Variants in PRKCH observed in about 807,000 individuals in gnomAD.
PRKCH encodes protein kinase C eta type.
In PRKCH, 28 loss-of-function variants were observed where a neutral mutation model predicts 82.5. That is an observed-to-expected ratio of 0.34 (90% confidence interval 0.25 to 0.47). The LOEUF (loss-of-function observed/expected upper bound fraction) is 0.47, where lower values mean the gene tolerates loss of function less well. PRKCH is among the 20% of genes least tolerant of loss of function. The probability of loss-of-function intolerance (pLI) is 1.00; values close to 1 mark genes in which losing one functional copy is unlikely to be tolerated. For synonymous variants in PRKCH, 322 were observed against 327.4 expected, an observed-to-expected ratio of 0.98 and a Z score of 0.18; for missense variants, 705 against 881.8, an observed-to-expected ratio of 0.80 and a Z score of 2.54.
chr14:61,256,834 C>T (rs1433265343), intron 1 of PRKCH, among the ~76,000 whole-genome samples: 3 of 152,172 alleles, frequency 2.0e-5, no homozygotes, highest in Non-Finnish European at 4.4e-5. Flanking sequence ...TATCTGCTTG[C>T]CTCTGTCAAT....
At chr14:61,242,722 A>G (rs1221763925) in intron 1 of PRKCH, among the ~76,000 whole-genome samples, 1 of 152,188 alleles carries the variant, frequency 6.6e-6, no homozygotes, top group Non-Finnish European at 1.5e-5. Flanking sequence ...AAAGGCCACT[A>G]GGAAACAACA....
At chr14:61,191,870 C>A (rs1243820839) in intron 1 of PRKCH, among the ~76,000 whole-genome samples, 1 of 152,080 alleles carries the variant, frequency 6.6e-6, no homozygotes, top group African/African-American at 2.4e-5. Context: ...TTCCTAAGTT[C>A]TTTCCCCCTT....
chr14:61,396,349 A>G (rs989121024), intron 2 of PRKCH, among the ~76,000 whole-genome samples: 2 of 152,174 alleles, frequency 1.3e-5, no homozygotes, highest in Non-Finnish European at 2.9e-5. Context: ...TTCATTAATT[A>G]TACTGAATTA....
At chr14:61,426,895 T>C (rs1390241728) in intron 2 of PRKCH, among the ~76,000 whole-genome samples, 6 of 152,190 alleles carry the variant, frequency 3.9e-5, no homozygotes, top group Non-Finnish European at 7.4e-5. Flanking sequence ...AGAAACTGTT[T>C]GTAATGGGGA....
At chr14:61,328,043 G>T (rs2045722343) in intron 1 of PRKCH, among the ~76,000 whole-genome samples, 1 of 151,662 alleles carries the variant, frequency 6.6e-6, no homozygotes. Flanking sequence ...GAGGTCAGGA[G>T]ATCGAGACCA....
At chr14:61,319,203 G>C (rs2045587752), upstream of PRKCH, among the ~76,000 whole-genome samples, 1 of 152,098 alleles carries the variant, frequency 6.6e-6, no homozygotes, top group Admixed American at 6.5e-5. Context: ...AGCCACGTAG[G>C]GTGCTTTTGG....
intron 10 of PRKCH, 100 bp from the exon 11 acceptor site, chr14:61,528,975 T>TGTGTGTGG: frequency 1.2e-6 from 1 of 811,258 alleles, no homozygotes; most frequent in African/African-American, 2.4e-5. Context: ...TGGCCGCACG[T>TGTGTGTGG]GTGTGTGTGT....
intron 1 of PRKCH, among the ~76,000 whole-genome samples, chr14:61,380,487 G>A (rs61990676): frequency 6.6e-6 from 1 of 152,042 alleles, no homozygotes; most frequent in African/African-American, 2.4e-5. Context: ...GACTTCTTCA[G>A]GAGAACTCAC....
chr14:61,232,521 A>G (rs1394477804), intron 1 of PRKCH, among the ~76,000 whole-genome samples: 3 of 152,224 alleles, frequency 2.0e-5, no homozygotes, highest in African/African-American at 7.2e-5. Flanking sequence ...GTGCCCGGCC[A>G]GGATATTTTA....
intron 1 of PRKCH, among the ~76,000 whole-genome samples, chr14:61,222,256 T>A (rs528418879): frequency 6.6e-6 from 1 of 152,358 alleles, no homozygotes; most frequent in African/African-American, 2.4e-5. Flanking sequence ...TAAAAATGAT[T>A]TTCATAAGGA....
intron 1 of PRKCH, among the ~76,000 whole-genome samples, chr14:61,233,063 T>A (rs1460896668): frequency 6.6e-6 from 1 of 152,200 alleles, no homozygotes; most frequent in Non-Finnish European, 1.5e-5. Flanking sequence ...TCCTGCCTTA[T>A]TACCAGAAAC....
At chr14:61,476,255 C>A (rs1035497013) in intron 9 of PRKCH, 2 of 152,172 alleles carry the variant, frequency 1.3e-5, no homozygotes, top group African/African-American at 2.4e-5. Flanking sequence ...CATTTATTAA[C>A]CCTCACAATT....
At chr14:61,481,285 C>T (rs1244685138) in intron 9 of PRKCH, among the ~76,000 whole-genome samples, 1 of 152,138 alleles carries the variant, frequency 6.6e-6, no homozygotes, top group Admixed American at 6.5e-5. Context: ...TAGTAGATGT[C>T]GTAAAGCCTG....
chr14:61,339,545 G>A (rs1486361344), intron 1 of PRKCH, among the ~76,000 whole-genome samples: 5 of 146,366 alleles, frequency 3.4e-5, no homozygotes, highest in South Asian at 2.2e-4. Context: ...GGATGGTCTC[G>A]ATCTCCTGAC....
intron 1 of PRKCH, among the ~76,000 whole-genome samples, chr14:61,271,525 A>G (rs919160705): frequency 6.6e-6 from 1 of 152,206 alleles, no homozygotes; most frequent in Non-Finnish European, 1.5e-5. Flanking sequence ...AAATTAGAGG[A>G]TGAGAAGTTG....
intron 1 of PRKCH, among the ~76,000 whole-genome samples, chr14:61,297,802 C>A (rs1024113422): frequency 1.3e-5 from 2 of 152,088 alleles, no homozygotes; most frequent in Non-Finnish European, 2.9e-5. Flanking sequence ...GTTAACTGTT[C>A]GTGGCCTGGG....
intron 1 of PRKCH, among the ~76,000 whole-genome samples, chr14:61,201,491 T>G (rs1448522247): frequency 6.6e-6 from 1 of 152,180 alleles, no homozygotes; most frequent in Non-Finnish European, 1.5e-5. Flanking sequence ...TTTAAAGAAT[T>G]ATTCTATAAA....
At position 61,231,463 on chromosome 14, in the gene PRKCH, C is replaced by T. The variant is rs562233846; in HGVS notation, c.-19+43795C>T. On this transcript the variant is annotated intron_variant, in intron 1 of 3. Coordinates refer to the PRKCH transcript ENST00000555185. ...CTGCAAGCTCTGCCTCCCGGGTTCA[C>T]GCCATTCTCCTGCCTCAGACTTCTG... 7.3e-5 allele frequency among the ~76,000 whole-genome samples: 11 copies of T among 150,908 alleles called. No individual in the cohort carries two copies. In the East Asian group the frequency reaches 1.6e-3, roughly 21 times the overall value.
chr14:61,457,412 T>C, intron 8 of PRKCH, 93 bp downstream of exon 8: 2 of 1,586,708 alleles, frequency 1.3e-6, no homozygotes, highest in Non-Finnish European at 1.7e-6. Context: ...CATACTCACA[T>C]TTCTCATGTG....
Sources: gnomAD v4.1 joint callset for allele counts (sites outside exome capture counted in the v4.1 genomes callset) on GRCh38, gnomAD v4.1.1 for gene constraint, MANE v1.5 for transcripts, NCBI Gene and HGNC (gene_info 2026-07-23, HGNC 2026-07-21) for gene names.